Variants in FUT8 observed in about 807,000 individuals in gnomAD.
FUT8 encodes fucosyltransferase 8.
In FUT8, 29 loss-of-function variants were observed where a neutral mutation model predicts 71.3. The ratio of observed to expected loss-of-function variants is 0.41; its 90% CI spans 0.30 to 0.55. The LOEUF is 0.55. Ranked by LOEUF, FUT8 falls within the 20% of genes least tolerant of loss-of-function variation. The pLI, the probability that FUT8 is intolerant of heterozygous loss-of-function variation, is 0.34. For missense variants in FUT8, 544 were observed against 702.1 expected (o/e 0.77, Z 2.55); for synonymous variants, 254 against 239.3 (o/e 1.06, Z -0.57).
intron 2 of FUT8, among the ~76,000 whole-genome samples, chr14:65,462,509 A>C (rs2065982731): frequency 6.6e-6 from 1 of 152,214 alleles, no homozygotes; most frequent in Non-Finnish European, 1.5e-5. Flanking sequence ...TCTTGTGGTC[A>C]AGAGATTTTA....
intron 2 of FUT8, among the ~76,000 whole-genome samples, chr14:65,474,521 C>G (rs1200065747): frequency 6.7e-6 from 1 of 148,212 alleles, no homozygotes; most frequent in Non-Finnish European, 1.5e-5. Flanking sequence ...ATCGCTTGAA[C>G]CTGGGAGGCA....
At chr14:65,683,358 T>C (rs1008177085) in intron 7 of FUT8, among the ~76,000 whole-genome samples, 2 of 152,164 alleles carry the variant, frequency 1.3e-5, no homozygotes, top group Non-Finnish European at 2.9e-5. Flanking sequence ...TATAATGCAT[T>C]TGCATTAATT....
At chr14:65,516,675 A>G (rs774506745) in intron 2 of FUT8, among the ~76,000 whole-genome samples, 6 of 152,240 alleles carry the variant, frequency 3.9e-5, no homozygotes, top group Middle Eastern at 3.4e-3. Flanking sequence ...ACAAAATATT[A>G]TTTGGGCAAA....
chr14:65,397,271 G>A, the FUT8 span, among the ~76,000 whole-genome samples: 5 of 152,058 alleles, frequency 3.3e-5, no homozygotes, highest in Non-Finnish European at 7.4e-5. This position sits in a 1 kb window ranked among gnomAD's most constrained non-coding sequence, Gnocchi z 4.2. Flanking sequence ...ATGGTGGCTT[G>A]GAAATATAAA....
At chr14:65,490,537 T>C in intron 2 of FUT8, among the ~76,000 whole-genome samples, 1 of 152,140 alleles carries the variant, frequency 6.6e-6, no homozygotes, top group Non-Finnish European at 1.5e-5. Flanking sequence ...TACAAAAGCC[T>C]GTATCTGTGT....
chr14:65,541,870 T>C (rs1037977756), intron 2 of FUT8, among the ~76,000 whole-genome samples: 3 of 152,208 alleles, frequency 2.0e-5, no homozygotes, highest in African/African-American at 7.2e-5. Context: ...GGGTTGCCTG[T>C]CCTTGTGTTA....
chr14:65,418,030 A>T lies in FUT8; in HGVS notation c.-326+4816A>T, dbSNP rs79617127. ...AATAAAACATTGATAATAATCTTAG[A>T]TGAAAATGGAAAATTAAGCTAATGT... On this transcript the variant is annotated intron_variant, in intron 1 of 10. Coordinates refer to ENST00000673929, the MANE Select transcript of FUT8 (RefSeq NM_001371533.1). Among the ~76,000 whole-genome samples the T allele has an allele frequency of 3.9e-4, 59 of 152,316 alleles. 1 individual carries two copies. The East Asian group carries it at 6.7e-3, about 17-fold the overall frequency.
At chr14:65,539,491 C>CT (rs1249748732) in intron 2 of FUT8, among the ~76,000 whole-genome samples, 3 of 152,182 alleles carry the variant, frequency 2.0e-5, no homozygotes, top group African/African-American at 7.2e-5. Flanking sequence ...CTAGAGCTAG[C>CT]TTGTAGGGAT....
intron 1 of FUT8, among the ~76,000 whole-genome samples, chr14:65,424,032 A>G (rs1478405384): frequency 1.3e-5 from 2 of 152,186 alleles, no homozygotes; most frequent in Non-Finnish European, 2.9e-5. Context: ...TTTTCTTGTA[A>G]TGCCATGATT....
At chr14:65,449,746 C>G (rs922600945) in intron 1 of FUT8, among the ~76,000 whole-genome samples, 1 of 152,214 alleles carries the variant, frequency 6.6e-6, no homozygotes, top group Non-Finnish European at 1.5e-5. Flanking sequence ...GTCGCCACCC[C>G]TGCCTTACCC....
chr14:65,427,474 T>C (rs1282545319), intron 1 of FUT8, among the ~76,000 whole-genome samples: 2 of 152,242 alleles, frequency 1.3e-5, no homozygotes, highest in Non-Finnish European at 2.9e-5. Flanking sequence ...ATAGCCATTC[T>C]AACAGGCGTG....
At chr14:65,676,397 A>C (rs11846827) in intron 7 of FUT8, among the ~76,000 whole-genome samples, 1 of 152,188 alleles carries the variant, frequency 6.6e-6, no homozygotes, top group Non-Finnish European at 1.5e-5. Flanking sequence ...TGTCTGGGCC[A>C]CATAGCCTTG....
chr14:65,505,801 T>A (rs187149723), intron 2 of FUT8, among the ~76,000 whole-genome samples: 4 of 152,328 alleles, frequency 2.6e-5, no homozygotes, highest in Admixed American at 2.6e-4. Context: ...TATAATCTTT[T>A]CCTGTTACTA....
chr14:65,379,829 G>A, the FUT8 span, among the ~76,000 whole-genome samples: 1 of 152,174 alleles, frequency 6.6e-6, no homozygotes, highest in African/African-American at 2.4e-5. Context: ...TTGATACCTG[G>A]TGAGGGCCAT....
At chr14:65,720,062 C>T (rs1286363015) in intron 7 of FUT8, among the ~76,000 whole-genome samples, 1 of 152,224 alleles carries the variant, frequency 6.6e-6, no homozygotes, top group African/African-American at 2.4e-5. Flanking sequence ...AGCAAGTTCC[C>T]CTGGGCCCCA....
At chr14:65,702,669 G>A (rs1003234403) in intron 7 of FUT8, among the ~76,000 whole-genome samples, 10 of 152,052 alleles carry the variant, frequency 6.6e-5, no homozygotes, top group African/African-American at 2.4e-4. Flanking sequence ...GAGCTACCAG[G>A]TAAGATGTTG....
intron 2 of FUT8, among the ~76,000 whole-genome samples, chr14:65,519,167 G>C (rs536672866): frequency 3.9e-4 from 59 of 152,266 alleles, no homozygotes; most frequent in African/African-American, 1.3e-3. Context: ...GAACATTTTA[G>C]TGAGGAAGTG....
the FUT8 span, among the ~76,000 whole-genome samples, chr14:65,395,259 T>C: frequency 2.2e-4 from 34 of 152,344 alleles, no homozygotes; most frequent in Non-Finnish European, 4.4e-5. Flanking sequence ...TCTACCGTTC[T>C]GGGATCTGGA....
chr14:65,667,474 C>T (rs1001272218), intron 6 of FUT8, among the ~76,000 whole-genome samples: 5 of 151,920 alleles, frequency 3.3e-5, no homozygotes, highest in Non-Finnish European at 5.9e-5. Flanking sequence ...TAGGGAGGTG[C>T]AAGATCTCTA....
Sources: gnomAD v4.1 joint callset for allele counts (sites outside exome capture counted in the v4.1 genomes callset) on GRCh38, gnomAD v4.1.1 for gene constraint, Gnocchi (gnomAD v3.1) non-coding constraint, MANE v1.5 for transcripts, NCBI Gene and HGNC (gene_info 2026-07-23, HGNC 2026-07-21) for gene names.